ZNF704: variants seen among roughly 807,000 people sequenced by gnomAD.
ZNF704 encodes the protein zinc finger protein 704.
A neutral mutation model predicts 44.7 loss-of-function variants in ZNF704; 10 were observed. The ratio of observed to expected loss-of-function variants is 0.22; its 90% CI spans 0.14 to 0.38. The LOEUF is 0.38. ZNF704 is among the 10% of genes least tolerant of loss of function. The pLI is 1.00. For synonymous variants in ZNF704, 211 were observed against 207.6 expected (o/e 1.02, Z -0.14); for missense variants, 390 against 545.5 (o/e 0.71, Z 2.84).
chr8:80,689,740 A>G (rs1489805898), intron 3 of ZNF704, among the ~76,000 whole-genome samples: 3 of 152,226 alleles, frequency 2.0e-5, no homozygotes, highest in Non-Finnish European at 2.9e-5. Context: ...GCTTCATGTC[A>G]ATGCCAAAAG....
intron 1 of ZNF704, among the ~76,000 whole-genome samples, chr8:80,844,602 C>T (rs111424623): frequency 6.6e-6 from 1 of 152,060 alleles, no homozygotes; most frequent in Admixed American, 6.6e-5. Flanking sequence ...GGTGGCTTTA[C>T]CATTACACTC....
intron 2 of ZNF704, among the ~76,000 whole-genome samples, chr8:80,748,734 C>G (rs1004554269): frequency 6.6e-6 from 1 of 152,062 alleles, no homozygotes; most frequent in Admixed American, 6.6e-5. Flanking sequence ...GTGAGGGGAA[C>G]TTGGCTTAGA....
intron 2 of ZNF704, among the ~76,000 whole-genome samples, chr8:80,813,952 G>A (rs982116528): frequency 6.6e-6 from 1 of 152,060 alleles, no homozygotes; most frequent in African/African-American, 2.4e-5. Context: ...GAGAACTGCT[G>A]GAAAAAGTTC....
chr8:80,681,533 C>T (rs558723361), intron 4 of ZNF704, among the ~76,000 whole-genome samples: 1 of 152,018 alleles, frequency 6.6e-6, no homozygotes, highest in Non-Finnish European at 1.5e-5. Context: ...GAGTGCTGGC[C>T]TTGGTTAGAG....
Position 80,636,798 on chromosome 8 carries a change from G to A in ZNF704, c.*4568C>T, listed in dbSNP as rs1817668680. 6.6e-6 allele frequency: 1 copy of A among 152,130 alleles called. No homozygotes were observed. Among genetic ancestry groups the A allele is most frequent in the Non-Finnish European group, 1.5e-5 (1 of 68,038 alleles). 9.4% of individuals were successfully genotyped at this position (152,130 alleles called of 1,614,324 possible). On this transcript the variant is annotated 3_prime_UTR_variant, in exon 9 of 9. Coordinates refer to ENST00000327835, the MANE Select transcript of ZNF704 (RefSeq NM_001033723.3). ...CACAGGTCAGTGCTACAGAAGATGT[G>A]GTCGATAGCAATTCTACAGGGTCAT...
chr8:80,673,500 C>T (rs1410741251), intron 4 of ZNF704, among the ~76,000 whole-genome samples: 1 of 152,212 alleles, frequency 6.6e-6, no homozygotes, highest in Non-Finnish European at 1.5e-5. Flanking sequence ...TGGCATCTTT[C>T]CCAAACTGAT....
At chr8:80,643,196 G>T in intron 7 of ZNF704, 67 bp from the exon 8 acceptor site, 1 of 1,200,128 alleles carries the variant, frequency 8.3e-7, no homozygotes, top group Non-Finnish European at 1.2e-6. Context: ...GTTAACCTTT[G>T]CTGTGTGGAC....
intron 3 of ZNF704, among the ~76,000 whole-genome samples, chr8:80,687,938 G>T (rs1474082278): frequency 1.3e-5 from 2 of 152,154 alleles, no homozygotes; most frequent in Admixed American, 6.5e-5. Context: ...GAGGGCAGTG[G>T]CTCACTTCTC....
intron 2 of ZNF704, chr8:80,776,718 T>C (rs1248454122): frequency 6.6e-6 from 1 of 152,202 alleles, no homozygotes; most frequent in Non-Finnish European, 1.5e-5. Context: ...TATTCACAGG[T>C]GTGATCCCAT....
chr8:80,818,082 C>G (rs1025375350), intron 2 of ZNF704, among the ~76,000 whole-genome samples: 1 of 152,104 alleles, frequency 6.6e-6, no homozygotes, highest in African/African-American at 2.4e-5. Flanking sequence ...TCCCAGATCT[C>G]TCTAGTTACA....
intron 2 of ZNF704, among the ~76,000 whole-genome samples, chr8:80,773,440 T>C (rs1807358545): frequency 6.6e-6 from 1 of 152,230 alleles, no homozygotes; most frequent in South Asian, 2.1e-4. Context: ...ATATTTCCTC[T>C]ATGCACATTT....
chr8:80,785,301 G>A (rs1245051774), intron 2 of ZNF704, among the ~76,000 whole-genome samples: 1 of 152,120 alleles, frequency 6.6e-6, no homozygotes, highest in Admixed American at 6.6e-5. Context: ...AAGAAGTAAA[G>A]CATTATTTCC....
At chr8:80,861,593 T>C (rs1057375871) in intron 1 of ZNF704, among the ~76,000 whole-genome samples, 6 of 152,096 alleles carry the variant, frequency 3.9e-5, no homozygotes, top group African/African-American at 1.4e-4. Context: ...TTAAATACAA[T>C]AAAACTGTTA....
chr8:80,792,920 C>T (rs1027483884), intron 2 of ZNF704, among the ~76,000 whole-genome samples: 1 of 152,204 alleles, frequency 6.6e-6, no homozygotes, highest in Non-Finnish European at 1.5e-5. Context: ...CTAAGCCATG[C>T]CCAGATTCCT....
intron 1 of ZNF704, among the ~76,000 whole-genome samples, chr8:80,841,748 C>T (rs1410566203): frequency 1.3e-5 from 2 of 152,132 alleles, no homozygotes; most frequent in Non-Finnish European, 2.9e-5. Context: ...TGACTAGGAA[C>T]AATGCCAGAA....
chr8:80,691,758 G>T (rs1259872931), intron 3 of ZNF704, among the ~76,000 whole-genome samples: 1 of 152,092 alleles, frequency 6.6e-6, no homozygotes, highest in Non-Finnish European at 1.5e-5. Context: ...TGATCCTCAG[G>T]CACTGCCTAT....
chr8:80,807,025 G>A (rs955022892), intron 2 of ZNF704, among the ~76,000 whole-genome samples: 2 of 152,128 alleles, frequency 1.3e-5, no homozygotes, highest in African/African-American at 4.8e-5. Context: ...AAACTAGTGT[G>A]GTTTCATTTT....
intron 2 of ZNF704, among the ~76,000 whole-genome samples, chr8:80,801,235 C>G (rs1807894885): frequency 6.6e-6 from 1 of 152,224 alleles, no homozygotes; most frequent in South Asian, 2.1e-4. Flanking sequence ...CTTTAACACC[C>G]CACTGACAAT....
intron 2 of ZNF704, among the ~76,000 whole-genome samples, chr8:80,740,902 G>A (rs981125508): frequency 3.9e-5 from 6 of 152,180 alleles, no homozygotes; most frequent in Non-Finnish European, 5.9e-5. Flanking sequence ...ACTTCTAGCC[G>A]CCCATTCAGA....
Sources: allele counts gnomAD v4.1 joint callset (sites outside exome capture counted in the v4.1 genomes callset), GRCh38; gene constraint gnomAD v4.1.1; transcripts MANE v1.5; gene names NCBI Gene and HGNC (gene_info 2026-07-23, HGNC 2026-07-21).